Variants in DPP10 observed in about 807,000 individuals in gnomAD.
DPP10 encodes dipeptidyl peptidase like 10, also known as inactive dipeptidyl peptidase 10.
In DPP10, 33 loss-of-function variants were observed where a neutral mutation model predicts 120.9. The ratio of observed to expected loss-of-function variants is 0.27; its 90% CI spans 0.21 to 0.37. DPP10 has a LOEUF of 0.37. Among genes scored for constraint, DPP10 ranks in the 10% least tolerant of loss-of-function variants. The probability of loss-of-function intolerance (pLI) is 1.00; values close to 1 mark genes in which losing one functional copy is unlikely to be tolerated. For synonymous variants in DPP10, 337 were observed against 326.1 expected (o/e 1.03, Z -0.36); for missense variants, 816 against 942.8 (o/e 0.87, Z 1.76).
intron 17 of DPP10, among the ~76,000 whole-genome samples, chr2:115,789,007 A>G (rs992199658): frequency 6.6e-6 from 1 of 152,200 alleles, no homozygotes; most frequent in East Asian, 1.9e-4. Context: ...AGTCCCAGCT[A>G]TTCAGGAGGC....
intron 1 of DPP10, among the ~76,000 whole-genome samples, chr2:114,601,510 G>A (rs867902476): frequency 2.8e-4 from 43 of 151,806 alleles, no homozygotes; most frequent in African/African-American, 1.0e-3. Flanking sequence ...GGTCTTATAA[G>A]TATATGGTGT....
chr2:114,813,000 C>T (rs555252520), intron 1 of DPP10, among the ~76,000 whole-genome samples: 7 of 152,304 alleles, frequency 4.6e-5, no homozygotes, highest in African/African-American at 1.4e-4. Flanking sequence ...ACATGCATCA[C>T]GTACAGCTGT....
intron 3 of DPP10, among the ~76,000 whole-genome samples, chr2:115,446,299 TAGGGAAATGTGGA>T (rs1424320710): frequency 6.6e-6 from 1 of 152,126 alleles, no homozygotes; most frequent in Admixed American, 6.6e-5. Flanking sequence ...AAACCTCTGC[TAGGGAAATGTGGA>T]AGGGAAATGT....
intron 5 of DPP10, among the ~76,000 whole-genome samples, chr2:115,593,757 C>T (rs1389179608): frequency 6.6e-6 from 1 of 152,098 alleles, no homozygotes; most frequent in African/African-American, 2.4e-5. Flanking sequence ...TTACCAAAGA[C>T]AAATCATAGC....
intron 1 of DPP10, among the ~76,000 whole-genome samples, chr2:115,014,836 G>C (rs1327521741): frequency 7.1e-6 from 1 of 141,364 alleles, no homozygotes; most frequent in Non-Finnish European, 1.5e-5. Flanking sequence ...TTCTGAAATT[G>C]AGGCAATAAT....
chr2:114,452,335 T>C (rs1270772259), intron 1 of DPP10, among the ~76,000 whole-genome samples: 1 of 152,218 alleles, frequency 6.6e-6, no homozygotes, highest in African/African-American at 2.4e-5. Flanking sequence ...TACCTTGTGT[T>C]TTTTGAAAGA....
At chr2:115,752,075 G>A (rs1209211685) in intron 10 of DPP10, among the ~76,000 whole-genome samples, 2 of 152,192 alleles carry the variant, frequency 1.3e-5, no homozygotes, top group Admixed American at 6.5e-5. Context: ...TGGGATTACA[G>A]GCATAAGTCA....
At chr2:114,598,966 C>CAATG (rs1692148058) in intron 1 of DPP10, among the ~76,000 whole-genome samples, 1 of 151,622 alleles carries the variant, frequency 6.6e-6, no homozygotes, top group African/African-American at 2.4e-5. Context: ...GAATGGAAGC[C>CAATG]AATGGGTCAT....
At chr2:115,464,527 A>C (rs1375996595) in intron 3 of DPP10, among the ~76,000 whole-genome samples, 1 of 152,076 alleles carries the variant, frequency 6.6e-6, no homozygotes, top group African/African-American at 2.4e-5. Context: ...GGCTGTTAGC[A>C]TCTTGAGAGC....
At chr2:114,548,887 T>C (rs897772213) in intron 1 of DPP10, among the ~76,000 whole-genome samples, 2 of 152,124 alleles carry the variant, frequency 1.3e-5, no homozygotes, top group African/African-American at 4.8e-5. Flanking sequence ...AAAACTGAAA[T>C]GTGGACCATC....
intron 1 of DPP10, among the ~76,000 whole-genome samples, chr2:114,509,065 C>T (rs922322486): frequency 1.3e-5 from 2 of 151,880 alleles, no homozygotes; most frequent in Non-Finnish European, 2.9e-5. Flanking sequence ...TGCAGATAAG[C>T]AATGAAATCC....
intron 1 of DPP10, among the ~76,000 whole-genome samples, chr2:115,121,981 A>G (rs2049847641): frequency 6.6e-6 from 1 of 152,228 alleles, no homozygotes; most frequent in Non-Finnish European, 1.5e-5. Flanking sequence ...TTGGGTATGC[A>G]TCGAAGGGTC....
intron 1 of DPP10, among the ~76,000 whole-genome samples, chr2:114,741,999 C>A (rs970901829): frequency 1.3e-5 from 2 of 152,188 alleles, no homozygotes; most frequent in African/African-American, 4.8e-5. Flanking sequence ...AAGGAGTCAA[C>A]AAACCAGTTG....
intron 1 of DPP10, among the ~76,000 whole-genome samples, chr2:115,095,420 G>A (rs7575500): frequency 1.3e-5 from 2 of 151,800 alleles, no homozygotes; most frequent in African/African-American, 2.4e-5. Flanking sequence ...AGCAGGTGAG[G>A]GCAGTGGAGC....
chr2:115,541,354 T>C (rs1197548088), intron 5 of DPP10, among the ~76,000 whole-genome samples: 1 of 151,816 alleles, frequency 6.6e-6, no homozygotes, highest in Non-Finnish European at 1.5e-5. Flanking sequence ...GCTGCATTTC[T>C]GATAAATCAC....
intron 1 of DPP10, among the ~76,000 whole-genome samples, chr2:115,047,031 A>G (rs1389000471): frequency 6.6e-6 from 1 of 152,038 alleles, no homozygotes; most frequent in Non-Finnish European, 1.5e-5. Context: ...AGATACCACA[A>G]TTGAAGTAGT....
chr2:115,044,589 C>T (rs944894994), intron 1 of DPP10, among the ~76,000 whole-genome samples: 1 of 152,094 alleles, frequency 6.6e-6, no homozygotes, highest in Non-Finnish European at 1.5e-5. Flanking sequence ...GATTCAATCA[C>T]CTCCCACCTG....
chr2:114,977,935 T>G (rs565738486), intron 1 of DPP10, among the ~76,000 whole-genome samples: 1 of 152,134 alleles, frequency 6.6e-6, no homozygotes, highest in African/African-American at 2.4e-5. Flanking sequence ...GGTTTTGTGC[T>G]TTTTTGGTTT....
intron 1 of DPP10, among the ~76,000 whole-genome samples, chr2:114,551,091 A>T (rs1447933334): frequency 6.6e-6 from 1 of 152,056 alleles, no homozygotes; most frequent in African/African-American, 2.4e-5. Flanking sequence ...TCCATCCTCC[A>T]CTACACTCAT....
Sources: gnomAD v4.1 joint callset for allele counts (sites outside exome capture counted in the v4.1 genomes callset) on GRCh38, gnomAD v4.1.1 for gene constraint, MANE v1.5 for transcripts, NCBI Gene and HGNC (gene_info 2026-07-23, HGNC 2026-07-21) for gene names.